Variants in DLG1 observed in about 807,000 individuals in gnomAD.
DLG1 encodes the protein discs large MAGUK scaffold protein 1.
Under a neutral mutation model 123.4 loss-of-function variants are expected in DLG1, and 42 were observed. The ratio of observed to expected loss-of-function variants is 0.34; its 90% confidence interval spans 0.27 to 0.44. The LOEUF (loss-of-function observed/expected upper bound fraction) is 0.44, where lower values mean the gene tolerates loss of function less well. DLG1 is among the 20% of genes least tolerant of loss of function. DLG1 has a pLI of 1.00. For missense variants in DLG1, 942 were observed against 1,082.6 expected, an observed-to-expected ratio of 0.87 and a Z score of 1.82; for synonymous variants, 317 against 356.2, an observed-to-expected ratio of 0.89 and a Z score of 1.24.
chr3:197,228,585 T>TA (rs1343653364), intron 4 of DLG1, among the ~76,000 whole-genome samples: 1 of 152,166 alleles, frequency 6.6e-6, no homozygotes, highest in Non-Finnish European at 1.5e-5. Context: ...TTACCATACC[T>TA]AAAACTGCAG....
At position 197,160,891 on chromosome 3, in the gene DLG1, G is replaced by A. The variant is rs892000007; in HGVS notation, c.484-11095C>T. The stretch of plus-strand genomic sequence containing the variant: ...ATTTATTTACACTTTAAATGAGATC[G>A]TGATCTTTCACACCAAAGATCTTTA... On this transcript the variant is annotated intron_variant, in intron 5 of 24. Coordinates refer to ENST00000667157, the MANE Select transcript of DLG1 (RefSeq NM_001366207.1). Among the ~76,000 whole-genome samples, 7 of 152,062 alleles carry A rather than the reference G, an allele frequency of 4.6e-5. No homozygotes were observed. The East Asian group carries it at 7.7e-4, about 17-fold the overall frequency.
chr3:197,104,734 A>G (rs1379684708), intron 14 of DLG1, among the ~76,000 whole-genome samples, 169 bp downstream of exon 14: 2 of 152,154 alleles, frequency 1.3e-5, no homozygotes, highest in African/African-American at 4.8e-5. Flanking sequence ...ACAACTTTTG[A>G]TCTGGAAAAA....
chr3:197,081,560 G>C (rs1305254304), intron 16 of DLG1, among the ~76,000 whole-genome samples: 3 of 152,154 alleles, frequency 2.0e-5, no homozygotes, highest in African/African-American at 4.8e-5. Context: ...ACTGTATATT[G>C]CCGTTTTTGT....
At chr3:197,235,706 G>C (rs557690158) in intron 4 of DLG1, among the ~76,000 whole-genome samples, 1 of 152,096 alleles carries the variant, frequency 6.6e-6, no homozygotes, top group Non-Finnish European at 1.5e-5. Flanking sequence ...ACAGTACTTA[G>C]GAACACTCAA....
Position 197,282,682 on chromosome 3 carries a change from T to C in DLG1, c.315A>G (p.Val105=). ...ETLPSSLSPS[V]EKYRYQDEDT... The stretch of plus-strand genomic sequence containing the variant: ...CAGAACACATTTTTTATCTCACCTC[T>C]ACACTAGGGCTAAGGCTGCTTGGCA... Residue 105 remains valine, a synonymous_variant, in exon 4 of 25, where the codon GTA becomes GTG. Coordinates refer to ENST00000667157, the MANE Select transcript of DLG1 (RefSeq NM_001366207.1). The C allele has an allele frequency of 6.3e-7, 1 of 1,576,600 alleles. No individual in the cohort carries two copies. Among genetic ancestry groups the C allele is most frequent in the Non-Finnish European group, 8.6e-7 (1 of 1,167,072 alleles).
At chr3:197,144,940 T>C (rs960837684) in intron 6 of DLG1, among the ~76,000 whole-genome samples, 1 of 152,114 alleles carries the variant, frequency 6.6e-6, no homozygotes, top group Non-Finnish European at 1.5e-5. Context: ...CCTTAGCCTC[T>C]TGAGTAGCTG....
chr3:197,268,845 A>T (rs946347164), intron 4 of DLG1, among the ~76,000 whole-genome samples: 8 of 146,248 alleles, frequency 5.5e-5, no homozygotes, highest in East Asian at 2.0e-4. Context: ...CTATTTTTTA[A>T]TTTTTTTTTT....
At chr3:197,059,176 C>G (rs1388167132) in intron 23 of DLG1, among the ~76,000 whole-genome samples, 1 of 152,202 alleles carries the variant, frequency 6.6e-6, no homozygotes, top group East Asian at 1.9e-4. Flanking sequence ...CTGCCCGCCT[C>G]AGCCTCCCAA....
chr3:197,232,752 A>G (rs891199038), intron 4 of DLG1, among the ~76,000 whole-genome samples: 70 of 135,846 alleles, frequency 5.2e-4, no homozygotes, highest in African/African-American at 2.0e-3. Flanking sequence ...TATCTGGCAG[A>G]AAAAAAAAAA....
At chr3:197,099,898 C>T (rs758749835) in intron 14 of DLG1, among the ~76,000 whole-genome samples, 31 of 152,152 alleles carry the variant, frequency 2.0e-4, no homozygotes, top group Non-Finnish European at 3.8e-4. Context: ...CTGGCATACT[C>T]GGAGGATTAG....
chr3:197,053,568 T>C (rs1729446077), intron 23 of DLG1, among the ~76,000 whole-genome samples: 1 of 151,424 alleles, frequency 6.6e-6, no homozygotes, highest in Non-Finnish European at 1.5e-5. Flanking sequence ...GGTCAGGACT[T>C]CGGGACCAGC....
intron 4 of DLG1, among the ~76,000 whole-genome samples, chr3:197,249,023 C>T (rs942719447): frequency 6.6e-6 from 1 of 151,916 alleles, no homozygotes; most frequent in Non-Finnish European, 1.5e-5. Context: ...AAATAATGCA[C>T]CTGAAGGAAC....
intron 18 of DLG1, among the ~76,000 whole-genome samples, chr3:197,072,733 C>T (rs1744835265): frequency 6.6e-6 from 1 of 151,876 alleles, no homozygotes; most frequent in African/African-American, 2.4e-5. Flanking sequence ...TGCTCTGTCA[C>T]CCAGGCTGGA....
At chr3:197,274,238 T>C (rs1349860487) in intron 4 of DLG1, among the ~76,000 whole-genome samples, 1 of 152,112 alleles carries the variant, frequency 6.6e-6, no homozygotes, top group East Asian at 1.9e-4. Context: ...GGTACTGATG[T>C]AAAAACACAC....
At chr3:197,144,039 G>A (rs1036137114) in intron 6 of DLG1, among the ~76,000 whole-genome samples, 1 of 152,128 alleles carries the variant, frequency 6.6e-6, no homozygotes. Flanking sequence ...AATCAAATGT[G>A]GACTGTGATA....
chr3:197,194,087 G>C (rs1421832667), intron 5 of DLG1, among the ~76,000 whole-genome samples: 8 of 152,218 alleles, frequency 5.3e-5, no homozygotes. Context: ...CTTCCAAAGT[G>C]CTGGAAATGC....
chr3:197,066,969 C>A (rs755610913), intron 19 of DLG1, among the ~76,000 whole-genome samples: 16 of 151,954 alleles, frequency 1.1e-4, no homozygotes, highest in African/African-American at 3.1e-4. Context: ...TACAAATGGG[C>A]TATATAATCA....
At chr3:197,201,445 T>C (rs2150328531) in intron 4 of DLG1, among the ~76,000 whole-genome samples, 1 of 152,296 alleles carries the variant, frequency 6.6e-6, no homozygotes, top group East Asian at 1.9e-4. Flanking sequence ...TCAGATTTGG[T>C]AAATGAATTC....
intron 23 of DLG1, among the ~76,000 whole-genome samples, chr3:197,057,319 C>G (rs1258381781): frequency 3.9e-5 from 6 of 152,172 alleles, no homozygotes; most frequent in Non-Finnish European, 2.9e-5. Context: ...TGACCTCAAG[C>G]AATCCTTCTG....
Sources: gnomAD v4.1 joint callset for allele counts (sites outside exome capture counted in the v4.1 genomes callset) on GRCh38, gnomAD v4.1.1 for gene constraint, MANE v1.5 for transcripts, NCBI Gene and HGNC (gene_info 2026-07-23, HGNC 2026-07-21) for gene names.